FTO: variants seen among roughly 807,000 people sequenced by gnomAD.
FTO encodes the protein FTO alpha-ketoglutarate dependent dioxygenase.
FTO carries 47 observed loss-of-function variants against 63.9 expected under a neutral mutation model. The observed-to-expected ratio is 0.74, with a 90% confidence interval of 0.58 to 0.94. The LOEUF is 0.94. Ranked by LOEUF, FTO falls within the 40% of genes least tolerant of loss-of-function variation. The pLI is 0.00. For synonymous variants in FTO, 207 were observed against 224.4 expected, an observed-to-expected ratio of 0.92 and a Z score of 0.69; for missense variants, 562 against 618.1, an observed-to-expected ratio of 0.91 and a Z score of 0.96.
chr16:54,090,532 G>C (rs561099999), intron 8 of FTO, among the ~76,000 whole-genome samples: 1 of 151,984 alleles, frequency 6.6e-6, no homozygotes, highest in Non-Finnish European at 1.5e-5. Context: ...GATTCAAATG[G>C]CATATTTTTG....
chr16:53,757,838 A>C (rs1251779782), intron 1 of FTO, among the ~76,000 whole-genome samples: 1 of 152,194 alleles, frequency 6.6e-6, no homozygotes, highest in Non-Finnish European at 1.5e-5. Context: ...CTCTTTGAGA[A>C]GAGCTCAAAC....
chr16:54,064,086 A>G (rs1389354577), intron 8 of FTO: 2 of 151,678 alleles, frequency 1.3e-5, no homozygotes, highest in Non-Finnish European at 2.9e-5. Context: ...TTATCCTGCT[A>G]GTTTTACTTC....
intron 8 of FTO, among the ~76,000 whole-genome samples, chr16:54,016,509 G>A (rs1305527620): frequency 6.6e-6 from 1 of 152,136 alleles, no homozygotes; most frequent in African/African-American, 2.4e-5. Context: ...TACTGGATCT[G>A]CCTCACTTAA....
chr16:53,938,949 T>C (rs1279043422), intron 8 of FTO, among the ~76,000 whole-genome samples: 2 of 149,300 alleles, frequency 1.3e-5, no homozygotes, highest in Admixed American at 1.3e-4. Flanking sequence ...AAAAAAAAAA[T>C]TAGCCGGGCT....
chr16:54,036,225 C>T (rs2084938308), intron 8 of FTO, among the ~76,000 whole-genome samples: 1 of 152,222 alleles, frequency 6.6e-6, no homozygotes. Context: ...GAATTTACCA[C>T]ATTAGTCCTA....
intron 1 of FTO, among the ~76,000 whole-genome samples, chr16:53,776,402 G>A (rs1432675429): frequency 6.6e-6 from 1 of 152,130 alleles, no homozygotes; most frequent in Non-Finnish European, 1.5e-5. Context: ...ATTCACTTTG[G>A]CTTCTTTCTG....
At position 53,909,751 on chromosome 16, in the gene FTO, A is replaced by G. The variant is rs376537420; in HGVS notation, c.1239+20800A>G. 2.0e-5 allele frequency among the ~76,000 whole-genome samples: 3 copies of G among 151,716 alleles called. No individual in the cohort carries two copies. The East Asian group carries it at 5.8e-4, about 30-fold the overall frequency. ...GCTAATTTTTGTATTTTTGGTAGAG[A>G]CAGGGTTTCACCATGTTGGCCAGGC... On this transcript the variant is annotated intron_variant, in intron 7 of 8. Transcript: ENST00000471389.
chr16:53,913,050 G>A (rs1381828404), intron 7 of FTO, among the ~76,000 whole-genome samples: 2 of 152,230 alleles, frequency 1.3e-5, no homozygotes, highest in East Asian at 1.9e-4. Context: ...TGTATGGGCA[G>A]TGGTGGTAAT....
intron 7 of FTO, among the ~76,000 whole-genome samples, chr16:53,925,809 CA>C (rs1235616499): frequency 6.6e-6 from 1 of 152,164 alleles, no homozygotes; most frequent in African/African-American, 2.4e-5. Flanking sequence ...ATATGCCCCA[CA>C]AGAATTAGGT....
intron 8 of FTO, among the ~76,000 whole-genome samples, chr16:53,955,066 C>G (rs6499657): frequency 0.87 from 131,824 of 152,104 alleles, 57,639 homozygotes; most frequent in African/African-American, 0.97. Flanking sequence ...TGCTTGACCA[C>G]TTCTGGAGTG....
At chr16:54,062,388 G>T (rs1240739697) in intron 8 of FTO, among the ~76,000 whole-genome samples, 1 of 152,098 alleles carries the variant, frequency 6.6e-6, no homozygotes, top group Non-Finnish European at 1.5e-5. Context: ...CGGCAGGAAA[G>T]TGACAGACCT....
intron 7 of FTO, among the ~76,000 whole-genome samples, chr16:53,909,840 A>C (rs565659399): frequency 6.6e-6 from 1 of 152,220 alleles, no homozygotes; most frequent in East Asian, 1.9e-4. Context: ...CTGGGATTAC[A>C]GGTGTGAGCC....
At chr16:53,930,979 G>T (rs2082267098) in intron 7 of FTO, among the ~76,000 whole-genome samples, 2 of 152,072 alleles carry the variant, frequency 1.3e-5, no homozygotes, top group African/African-American at 4.8e-5. Flanking sequence ...GATATTTTGT[G>T]GGCAATGGGG....
At chr16:53,753,249 T>C (rs1457019975) in intron 1 of FTO, among the ~76,000 whole-genome samples, 4 of 137,446 alleles carry the variant, frequency 2.9e-5, no homozygotes, top group Non-Finnish European at 6.1e-5. Context: ...AGAGACCCTG[T>C]CTCAAAAAAA....
At chr16:53,975,731 G>T (rs1298538174) in intron 8 of FTO, among the ~76,000 whole-genome samples, 2 of 151,728 alleles carry the variant, frequency 1.3e-5, no homozygotes, top group African/African-American at 4.8e-5. Context: ...TATTAGATTG[G>T]ACCATATAAA....
At chr16:53,888,677 C>T (rs1044994136) in intron 6 of FTO, among the ~76,000 whole-genome samples, 155 bp from the exon 7 acceptor site, 6 of 152,158 alleles carry the variant, frequency 3.9e-5, no homozygotes, top group African/African-American at 1.2e-4. Context: ...CTGGAGATGC[C>T]AGCTTACACT....
intron 1 of FTO, among the ~76,000 whole-genome samples, chr16:53,731,748 CTTTT>C (rs1288180518): frequency 7.8e-6 from 1 of 127,398 alleles, no homozygotes; most frequent in African/African-American, 3.0e-5. Context: ...AATGTTTGTA[CTTTT>C]TTTTTTTTTT....
At chr16:53,799,565 C>A (rs2078166294) in intron 1 of FTO, among the ~76,000 whole-genome samples, 1 of 151,966 alleles carries the variant, frequency 6.6e-6, no homozygotes, top group South Asian at 2.1e-4. Flanking sequence ...GTTCTTGGCC[C>A]AGTGTGGGGT....
chr16:53,934,234 A>C, intron 8 of FTO, 125 bp downstream of exon 8: 1 of 983,160 alleles, frequency 1.0e-6, no homozygotes, highest in Non-Finnish European at 1.6e-6. Context: ...AGCACGTTTA[A>C]GATGCTTTCA....
Sources: allele counts gnomAD v4.1 joint callset (sites outside exome capture counted in the v4.1 genomes callset), GRCh38; gene constraint gnomAD v4.1.1; transcripts MANE v1.5; gene names NCBI Gene and HGNC (gene_info 2026-07-23, HGNC 2026-07-21).